Variants in PDE6D observed in about 807,000 individuals in gnomAD.
The protein encoded by PDE6D is retinal rod rhodopsin-sensitive cGMP 3',5'-cyclic phosphodiesterase subunit delta.
A neutral mutation model predicts 21.9 loss-of-function variants in PDE6D; 10 were observed. The ratio of observed to expected loss-of-function variants is 0.46; its 90% CI spans 0.28 to 0.78. The LOEUF (loss-of-function observed/expected upper bound fraction) is 0.78. Among genes scored for constraint, PDE6D ranks in the 30% least tolerant of loss-of-function variants. The probability of loss-of-function intolerance (pLI) is 0.12; values close to 1 mark genes in which losing one functional copy is unlikely to be tolerated. For missense variants in PDE6D, 139 were observed against 184.8 expected (o/e 0.75, Z 1.44); for synonymous variants, 59 against 63.5 (o/e 0.93, Z 0.34).
chr2:231,734,768 A>C (rs2048682894), intron 4 of PDE6D, among the ~76,000 whole-genome samples: 1 of 149,266 alleles, frequency 6.7e-6, no homozygotes, highest in South Asian at 2.1e-4. Context: ...AATGGCGTGA[A>C]CCTGGGAGGC....
chr2:231,770,069 T>G (rs1039982834), intron 1 of PDE6D, among the ~76,000 whole-genome samples: 1 of 152,242 alleles, frequency 6.6e-6, no homozygotes, highest in African/African-American at 2.4e-5. Context: ...TTTTCACCTT[T>G]TTTTCCCTAT....
At chr2:231,752,717 T>C (rs2048850453) in intron 1 of PDE6D, among the ~76,000 whole-genome samples, 1 of 151,862 alleles carries the variant, frequency 6.6e-6, no homozygotes, top group African/African-American at 2.4e-5. Context: ...ATCTCTTTGC[T>C]CATCCTCTTT....
intron 1 of PDE6D, among the ~76,000 whole-genome samples, chr2:231,752,957 G>C (rs993101312): frequency 2.7e-5 from 4 of 148,846 alleles, no homozygotes; most frequent in African/African-American, 4.9e-5. Flanking sequence ...TCAGCATCTC[G>C]AGTAGCTGGG....
chr2:231,735,260 T>C (rs1270551435), intron 4 of PDE6D, among the ~76,000 whole-genome samples: 1 of 144,762 alleles, frequency 6.9e-6, no homozygotes, highest in Non-Finnish European at 1.5e-5. Context: ...AAAAAAAAAA[T>C]CTACTTTTAA....
chr2:231,734,382 C>T (rs537494183), intron 4 of PDE6D, among the ~76,000 whole-genome samples: 131 of 147,870 alleles, frequency 8.9e-4, no homozygotes, highest in African/African-American at 3.1e-3. Flanking sequence ...AGAGCGAGAC[C>T]GTCTCAAAAA....
intron 1 of PDE6D, among the ~76,000 whole-genome samples, chr2:231,759,691 C>A (rs901901417): frequency 6.6e-6 from 1 of 152,282 alleles, no homozygotes; most frequent in Non-Finnish European, 1.5e-5. Flanking sequence ...CTTCCATCAA[C>A]TCCCTCTTGG....
intron 1 of PDE6D, among the ~76,000 whole-genome samples, chr2:231,765,331 GA>G (rs967391711): frequency 2.0e-5 from 3 of 149,426 alleles, no homozygotes; most frequent in Non-Finnish European, 4.5e-5. Flanking sequence ...AACTCAGAAA[GA>G]AAAAAAAAGC....
Position 231,732,993 on chromosome 2 carries a change from G to T in PDE6D, c.412C>A (p.Leu138Ile). 1.2e-6 allele frequency: 2 copies of T among 1,612,438 alleles called. No individual in the cohort carries two copies. Among genetic ancestry groups the T allele is most frequent in the African/African-American group, 1.3e-5 (1 of 75,022 alleles). The change falls in exon 5 of 5, where the codon CTT becomes ATT. Residue 138 changes from leucine to isoleucine, a missense_variant. Physicochemically the swap from Leu to Ile is conservative, Grantham distance 5. Coordinates refer to ENST00000287600, the MANE Select transcript of PDE6D (RefSeq NM_002601.4). ...IIETKFFDDD[L>I]LVSTSRVRLF... Reference sequence around the variant, plus strand: ...CTCACTCTGGATGTGCTTACAAGAAGATCGTCGTCAAAAAACTTTGTTTCT... The same window carrying T: ...CTCACTCTGGATGTGCTTACAAGAATATCGTCGTCAAAAAACTTTGTTTCT...
chr2:231,764,437 C>A (rs1413311074), intron 1 of PDE6D, among the ~76,000 whole-genome samples: 1 of 152,154 alleles, frequency 6.6e-6, no homozygotes, highest in African/African-American at 2.4e-5. Flanking sequence ...AAAGTTTAGG[C>A]TTTGTAAATA....
rs374778244 is a variant in PDE6D at position 231,738,025 on chromosome 2, G to T, written c.253C>A (p.Gln85Lys). The T allele has an allele frequency of 1.1e-5, 17 of 1,613,860 alleles. No homozygotes were observed. The highest frequency in any genetic ancestry group is 1.6e-4 in the Middle Eastern group (1 of 6,084). ...RLEQKVYFKG[Q>K]CLEEWFFEFG... ...GGCAGCAGAATACCTTCTAGGCATTGCCCTTTGAAGTAAACTTTTTGTTCC... is the reference window on the plus strand; with the variant it reads ...GGCAGCAGAATACCTTCTAGGCATTTCCCTTTGAAGTAAACTTTTTGTTCC... Residue 85 changes from glutamine (Q) to lysine (K), a missense_variant, in exon 3 of 5, where the codon CAA (glutamine) becomes AAA (lysine). By Grantham distance (53) the Gln-to-Lys change is moderately conservative (BLOSUM62 1). Coordinates refer to ENST00000287600, the MANE Select transcript of PDE6D (RefSeq NM_002601.4).
intron 1 of PDE6D, among the ~76,000 whole-genome samples, chr2:231,750,270 G>A (rs1432700969): frequency 6.6e-6 from 1 of 152,094 alleles, no homozygotes; most frequent in Non-Finnish European, 1.5e-5. Flanking sequence ...TTTCAGGTGT[G>A]TCTTTATCAG....
intron 4 of PDE6D, among the ~76,000 whole-genome samples, chr2:231,734,817 A>G (rs1356034806): frequency 6.7e-6 from 1 of 148,642 alleles, no homozygotes; most frequent in Non-Finnish European, 1.5e-5. Flanking sequence ...ACTGCACTCC[A>G]GCCTGGGCGA....
intron 1 of PDE6D, among the ~76,000 whole-genome samples, chr2:231,758,786 T>A (rs2048903520): frequency 6.6e-6 from 1 of 152,176 alleles, no homozygotes; most frequent in Non-Finnish European, 1.5e-5. Context: ...AAAATACAGA[T>A]TCTGGTTCAG....
At chr2:231,749,131 C>G (rs1440408761) in intron 1 of PDE6D, among the ~76,000 whole-genome samples, 6 of 152,162 alleles carry the variant, frequency 3.9e-5, no homozygotes, top group Admixed American at 2.6e-4. Context: ...CACCGTGCAC[C>G]TGGAAAAGCC....
intron 1 of PDE6D, among the ~76,000 whole-genome samples, chr2:231,776,076 G>A (rs533871320): frequency 3.9e-4 from 60 of 152,046 alleles, no homozygotes; most frequent in Non-Finnish European, 5.7e-4. Context: ...AGTGGCTCAC[G>A]CCTGTAATCC....
rs565968862 is a variant in PDE6D, at chr2:231,749,666, A to G, written c.51-10478T>C. ...TCTGCCTCAGCCTCTCAAGTAGCTG[A>G]GATTACAGGCACTTGCCACCATGCC... On this transcript the variant is annotated intron_variant, in intron 1 of 4. Transcript: ENST00000287600. Among the ~76,000 whole-genome samples, 9 of 151,978 alleles carry G rather than the reference A, an allele frequency of 5.9e-5. No homozygotes were observed. In the South Asian group the frequency reaches 8.3e-4, roughly 14 times the overall value.
intron 1 of PDE6D, among the ~76,000 whole-genome samples, chr2:231,759,394 A>G (rs559480485): frequency 1.3e-5 from 2 of 152,214 alleles, no homozygotes; most frequent in African/African-American, 4.8e-5. Context: ...TAGAGATTGG[A>G]AAGGTTTGGA....
chr2:231,776,247 G>A (rs558327471), intron 1 of PDE6D, among the ~76,000 whole-genome samples: 3 of 151,250 alleles, frequency 2.0e-5, no homozygotes, highest in Non-Finnish European at 2.9e-5. Context: ...CTTGAACTCC[G>A]GAGGTAGAGG....
Position 231,739,766 on chromosome 2 carries a change from G to A in PDE6D, c.51-578C>T, listed in dbSNP as rs147681142. ...TGTGCCTCAGCCTCCTGAGTAGCTGGAATTATAGGAGCACGTCACCAAGCC... is the reference window on the plus strand; with the variant it reads ...TGTGCCTCAGCCTCCTGAGTAGCTGAAATTATAGGAGCACGTCACCAAGCC... On this transcript the variant is annotated intron_variant, in intron 1 of 4. Coordinates refer to ENST00000287600, the MANE Select transcript of PDE6D (RefSeq NM_002601.4). This position sits in a 1 kb window ranked among gnomAD's most constrained non-coding sequence, Gnocchi z 4.2. 6.6e-6 allele frequency among the ~76,000 whole-genome samples: 1 copy of A among 152,068 alleles called. No homozygotes were observed. Among genetic ancestry groups the A allele is most frequent in the African/African-American group, 2.4e-5 (1 of 41,482 alleles).
Sources: allele counts gnomAD v4.1 joint callset (sites outside exome capture counted in the v4.1 genomes callset), GRCh38; gene constraint gnomAD v4.1.1; non-coding constraint Gnocchi (gnomAD v3.1); transcripts MANE v1.5; gene names NCBI Gene and HGNC (gene_info 2026-07-23, HGNC 2026-07-21).